Variants in ECT2 observed in about 807,000 individuals in gnomAD.
The protein encoded by ECT2 is protein ECT2.
ECT2 carries 61 observed loss-of-function variants against 116.9 expected under a neutral mutation model. That is an observed-to-expected ratio of 0.52 (90% CI 0.42 to 0.65). The LOEUF (loss-of-function observed/expected upper bound fraction) is 0.65, where lower values mean the gene tolerates loss of function less well. Ranked by LOEUF, ECT2 falls within the 30% of genes least tolerant of loss-of-function variation. The pLI, the probability that ECT2 is intolerant of heterozygous loss-of-function variation, is 0.00. For synonymous variants in ECT2, 358 were observed against 346.4 expected (o/e 1.03, Z -0.37); for missense variants, 937 against 1,078.7 (o/e 0.87, Z 1.84).
At chr3:172,825,956 C>T (rs4364196), downstream of ECT2, among the ~76,000 whole-genome samples, 158 of 152,308 alleles carry the variant, frequency 1.0e-3, no homozygotes, top group Non-Finnish European at 1.6e-3. Context: ...TGCAATGGCG[C>T]GATCTCGGCT....
chr3:172,758,796 A>G (rs919374724), intron 5 of ECT2, among the ~76,000 whole-genome samples, 184 bp from the exon 6 acceptor site: 9 of 152,166 alleles, frequency 5.9e-5, no homozygotes, highest in African/African-American at 2.2e-4. Context: ...AAATATTTTT[A>G]TTGGGAAACT....
At chr3:172,818,115 A>G (rs1197347278) in intron 24 of ECT2, among the ~76,000 whole-genome samples, 1 of 152,140 alleles carries the variant, frequency 6.6e-6, no homozygotes, top group Non-Finnish European at 1.5e-5. Flanking sequence ...GGTAAGACAC[A>G]TAAATAATAC....
At chr3:172,802,199 C>T (rs930716617) in intron 18 of ECT2, among the ~76,000 whole-genome samples, 1 of 152,032 alleles carries the variant, frequency 6.6e-6, no homozygotes, top group African/African-American at 2.4e-5. Flanking sequence ...ACTGCAACCT[C>T]CTCCTCCTGG....
chr3:172,801,813 A>T (rs1044883533), intron 18 of ECT2, among the ~76,000 whole-genome samples: 3 of 152,084 alleles, frequency 2.0e-5, no homozygotes, highest in African/African-American at 7.2e-5. Flanking sequence ...TTGTATTTTG[A>T]CCAATTTTTT....
intron 1 of ECT2, among the ~76,000 whole-genome samples, chr3:172,751,378 C>T (rs186292648): frequency 3.3e-5 from 5 of 152,342 alleles, no homozygotes; most frequent in Admixed American, 3.3e-4. Flanking sequence ...CTGGATTTAG[C>T]CGGGCTTTGA....
intron 18 of ECT2, among the ~76,000 whole-genome samples, chr3:172,800,768 A>G (rs1401479041): frequency 2.6e-5 from 4 of 152,076 alleles, no homozygotes; most frequent in Admixed American, 2.0e-4. Context: ...AAAGTCTTAT[A>G]TGCTTTCCTT....
At chr3:172,763,399 C>G (rs962824723) in intron 11 of ECT2, among the ~76,000 whole-genome samples, 3 of 152,124 alleles carry the variant, frequency 2.0e-5, no homozygotes, top group African/African-American at 4.8e-5. Context: ...TAAGGACATT[C>G]GTTAGAACCC....
In ECT2 at chr3:172,785,858, T is replaced by C. The variant is rs567967612; in HGVS notation, c.1826-635T>C. On this transcript the variant is annotated intron_variant, in intron 17 of 24. Transcript: ENST00000392692. ...TTTCCAAAACATTGTGGTTTTCTTC[T>C]GATTTGCATACCTTCATTATTGTTT... 8.5e-5 allele frequency among the ~76,000 whole-genome samples: 13 copies of C among 152,218 alleles called. 1 individual carries two copies. In the South Asian group the frequency reaches 2.7e-3, roughly 32 times the overall value.
intron 18 of ECT2, among the ~76,000 whole-genome samples, chr3:172,787,958 G>C (rs763348091): frequency 6.6e-6 from 1 of 152,208 alleles, no homozygotes; most frequent in Non-Finnish European, 1.5e-5. Flanking sequence ...GCTGGCTGCT[G>C]TAGGGATAAT....
chr3:172,784,053 C>T, intron 16 of ECT2, 144 bp downstream of exon 16: 1 of 582,082 alleles, frequency 1.7e-6, no homozygotes, highest in Non-Finnish European at 3.0e-6. Context: ...TATGGGTGAC[C>T]ATGATATTTA....
intron 18 of ECT2, among the ~76,000 whole-genome samples, chr3:172,798,198 G>C (rs1006035419): frequency 1.8e-4 from 28 of 152,038 alleles, no homozygotes; most frequent in African/African-American, 6.3e-4. Flanking sequence ...GGTATTTGTT[G>C]ATATGTTTCA....
chr3:172,751,846 T>C (rs559194046), intron 1 of ECT2, among the ~76,000 whole-genome samples: 1 of 152,222 alleles, frequency 6.6e-6, no homozygotes, highest in African/African-American at 2.4e-5. Context: ...ATACAGTAAT[T>C]TGAAAAAAAG....
chr3:172,815,131 G>T (rs553211096), intron 22 of ECT2, among the ~76,000 whole-genome samples: 1 of 152,126 alleles, frequency 6.6e-6, no homozygotes, highest in Non-Finnish European at 1.5e-5. Flanking sequence ...CCCAATTTCT[G>T]TTCATTGTCA....
chr3:172,786,095 T>TA (rs1197427061), intron 17 of ECT2, among the ~76,000 whole-genome samples: 3 of 152,144 alleles, frequency 2.0e-5, no homozygotes, highest in African/African-American at 4.8e-5. Flanking sequence ...AATCTGTGCT[T>TA]AAAGATACCA....
At chr3:172,785,783 A>G (rs962880455) in intron 17 of ECT2, among the ~76,000 whole-genome samples, 2 of 152,190 alleles carry the variant, frequency 1.3e-5, no homozygotes, top group African/African-American at 4.8e-5. Context: ...CACTATTTAA[A>G]ACTGTTCTGT....
At position 172,769,054 on chromosome 3, in the gene ECT2, C is replaced by T. The variant is rs1311609266; in HGVS notation, c.1339C>T (p.Pro447Ser). ...GTCTTCTAAAAGCTCCACTCCAGTTCCTTCAAAGCAGTCAGCAAGGTGGCA... is the reference window on the plus strand; with the variant it reads ...GTCTTCTAAAAGCTCCACTCCAGTTTCTTCAAAGCAGTCAGCAAGGTGGCA... ...TKSSKSSTPV[P>S]SKQSARWQVA... The change falls in exon 13 of 25, where the codon CCT becomes TCT. Residue 447 changes from proline (P) to serine (S), a missense_variant. Transcript: ENST00000392692. The T allele has an allele frequency of 6.2e-7, 1 of 1,613,416 alleles. No individual in the cohort carries two copies.
At chr3:172,819,869 G>C (rs192165943) in intron 24 of ECT2, among the ~76,000 whole-genome samples, 1 of 152,012 alleles carries the variant, frequency 6.6e-6, no homozygotes, top group Non-Finnish European at 1.5e-5. Context: ...ACAAAGTTAG[G>C]TATCACTACT....
chr3:172,754,489 T>C lies in ECT2; in HGVS notation c.-22-20T>C. On this transcript the variant is annotated intron_variant, in intron 1 of 24. Transcript: ENST00000392692. ...CAATGACCATGTTTATGTATTTTTA[T>C]TCAAATTTTATTTTTTCAGCTGATT... is the stretch of plus-strand genomic sequence containing the variant. 6.6e-7 allele frequency: 1 copy of C among 1,514,284 alleles called. No homozygotes were observed. Among genetic ancestry groups the C allele is most frequent in the South Asian group, 1.3e-5 (1 of 76,638 alleles). The allele number at this position is 1,514,284 out of a possible 1,614,324, so 93.8% of individuals were successfully genotyped here.
intron 18 of ECT2, among the ~76,000 whole-genome samples, chr3:172,792,892 G>C (rs1724933581): frequency 6.6e-6 from 1 of 151,862 alleles, no homozygotes; most frequent in Non-Finnish European, 1.5e-5. Context: ...CTACTTTTTT[G>C]TATTTTTTGT....
Sources: allele counts gnomAD v4.1 joint callset (sites outside exome capture counted in the v4.1 genomes callset), GRCh38; gene constraint gnomAD v4.1.1; transcripts MANE v1.5; gene names NCBI Gene and HGNC (gene_info 2026-07-23, HGNC 2026-07-21).